The following CLNS1A variants were observed in gnomAD, a reference collection of about 807,000 sequenced individuals.
CLNS1A encodes the protein methylosome subunit pICln.
In CLNS1A, 16 loss-of-function variants were observed where a neutral mutation model predicts 29.4. The ratio of observed to expected loss-of-function variants is 0.54; its 90% CI spans 0.37 to 0.83. CLNS1A has a LOEUF of 0.83. CLNS1A is among the 40% of genes least tolerant of loss of function. The probability of loss-of-function intolerance (pLI) is 0.00; values close to 1 mark genes in which losing one functional copy is unlikely to be tolerated. For synonymous variants in CLNS1A, 96 were observed against 104.8 expected (o/e 0.92, Z 0.51); for missense variants, 235 against 287.4 (o/e 0.82, Z 1.32).
chr11:77,636,502 A>G lies in CLNS1A; in HGVS notation c.125+1088T>C, dbSNP rs530894837. On this transcript the variant is annotated intron_variant, in intron 1 of 6. Coordinates refer to ENST00000525428, the MANE Select transcript of CLNS1A (RefSeq NM_001293.3). Reference sequence around the variant, plus strand: ...TGGCCTGAAGCCTAAACCTTGTTCAATGTCTAAATTTCCCTTTAAAGCAGA... The same window carrying G: ...TGGCCTGAAGCCTAAACCTTGTTCAGTGTCTAAATTTCCCTTTAAAGCAGA... 3.3e-5 allele frequency among the ~76,000 whole-genome samples: 5 copies of G among 152,230 alleles called. No homozygotes were observed. In the East Asian group the frequency reaches 9.6e-4, roughly 29 times the overall value.
At chr11:77,635,065 G>A (rs566061092) in intron 1 of CLNS1A, among the ~76,000 whole-genome samples, 5 of 152,282 alleles carry the variant, frequency 3.3e-5, no homozygotes, top group East Asian at 3.9e-4. Flanking sequence ...TTGGCCTTCC[G>A]AAGTGCTGCG....
At chr11:77,634,135 A>G (rs1044435239) in intron 1 of CLNS1A, among the ~76,000 whole-genome samples, 4 of 152,122 alleles carry the variant, frequency 2.6e-5, no homozygotes, top group Non-Finnish European at 5.9e-5. Flanking sequence ...CCTATAAAAA[A>G]CTAAGCTCTG....
chr11:77,620,325 T>C (rs1247105183), intron 5 of CLNS1A, among the ~76,000 whole-genome samples: 1 of 152,224 alleles, frequency 6.6e-6, no homozygotes, highest in African/African-American at 2.4e-5. Flanking sequence ...GCAAAAGCTC[T>C]TTTTGCTTGC....
intron 5 of CLNS1A, among the ~76,000 whole-genome samples, chr11:77,619,917 C>A (rs752339390): frequency 6.6e-6 from 1 of 152,194 alleles, no homozygotes; most frequent in Non-Finnish European, 1.5e-5. Flanking sequence ...TAAATTCTCA[C>A]CCTCAATACT....
chr11:77,623,575 G>C (rs1406674513), intron 4 of CLNS1A, among the ~76,000 whole-genome samples: 1 of 149,476 alleles, frequency 6.7e-6, no homozygotes, highest in Non-Finnish European at 1.5e-5. Flanking sequence ...CTGGGCAACA[G>C]AGTTAGACCC....
At chr11:77,634,058 G>A (rs948736962) in intron 1 of CLNS1A, among the ~76,000 whole-genome samples, 8 of 150,930 alleles carry the variant, frequency 5.3e-5, no homozygotes, top group African/African-American at 1.2e-4. Context: ...CCAAGATTGC[G>A]CCATTGCATT....
Position 77,637,707 on chromosome 11 carries a change from A to G in CLNS1A, c.8T>C (p.Phe3Ser), listed in dbSNP as rs1300362379. The G allele has an allele frequency of 6.4e-7, 1 of 1,557,372 alleles. No homozygotes were observed. The change falls in exon 1 of 7, where the codon TTC becomes TCC. Residue 3 changes from phenylalanine to serine, a missense_variant. By Grantham distance (155) the Phe-to-Ser change is radical. Transcript: ENST00000525428. Reference sequence around the variant, plus strand: ...CCCAGGCGGCGGGAAACTTTTGAGGAAGCTCATAGCAGCAGAGTGCGGCAA... The same window carrying G: ...CCCAGGCGGCGGGAAACTTTTGAGGGAGCTCATAGCAGCAGAGTGCGGCAA... MS[F>S]LKSFPPPGPA...
intron 5 of CLNS1A, among the ~76,000 whole-genome samples, chr11:77,622,253 C>A (rs1216362425): frequency 6.6e-6 from 1 of 152,060 alleles, no homozygotes; most frequent in Non-Finnish European, 1.5e-5. Flanking sequence ...TTCTTTTTCA[C>A]TTCTACTTTC....
intron 1 of CLNS1A, among the ~76,000 whole-genome samples, chr11:77,632,141 T>C (rs1164888735): frequency 2.0e-5 from 3 of 152,242 alleles, no homozygotes; most frequent in African/African-American, 4.8e-5. Context: ...TATTATGTAA[T>C]GAGGTTATGT....
intron 4 of CLNS1A, among the ~76,000 whole-genome samples, chr11:77,623,086 C>T (rs986764195): frequency 6.6e-6 from 1 of 151,846 alleles, no homozygotes; most frequent in Non-Finnish European, 1.5e-5. Flanking sequence ...GATGTACCTA[C>T]TCTCTAGGGT....
intron 5 of CLNS1A, 126 bp downstream of exon 5, chr11:77,622,374 G>C (rs1434562572): frequency 4.5e-6 from 3 of 659,710 alleles, no homozygotes; most frequent in Non-Finnish European, 2.5e-6. Flanking sequence ...ATGTAATTCT[G>C]TATCTGCTTC....
chr11:77,627,761 T>A (rs574014122), intron 2 of CLNS1A, among the ~76,000 whole-genome samples: 7 of 152,312 alleles, frequency 4.6e-5, no homozygotes, highest in African/African-American at 1.7e-4. Flanking sequence ...CTCCCTTAAC[T>A]TTTTGGATGA....
At position 77,616,522 on chromosome 11, in the gene CLNS1A, G is replaced by A. The variant is rs1958907054; in HGVS notation, c.*196C>T. 6.6e-6 allele frequency: 1 copy of A among 152,594 alleles called. No homozygotes were observed. Among genetic ancestry groups the A allele is most frequent in the African/African-American group, 2.4e-5 (1 of 41,436 alleles). The allele number at this position is 152,594 out of a possible 1,614,324, so 9.5% of individuals were successfully genotyped here. ...CCTCTTGGTTAAGTTAATTCATCAAGTTAATAAAGGTCATATTATCTATCT... is the reference window on the plus strand; with the variant it reads ...CCTCTTGGTTAAGTTAATTCATCAAATTAATAAAGGTCATATTATCTATCT... On this transcript the variant is annotated 3_prime_UTR_variant, in exon 7 of 7. Transcript: ENST00000525428.
chr11:77,618,178 T>C (rs1958923426), intron 6 of CLNS1A, among the ~76,000 whole-genome samples: 1 of 152,224 alleles, frequency 6.6e-6, no homozygotes, highest in South Asian at 2.1e-4. Context: ...TAGTCTATTC[T>C]TCAAAAGAAA....
At chr11:77,619,160 T>C (rs1480158491) in intron 6 of CLNS1A, among the ~76,000 whole-genome samples, 1 of 152,192 alleles carries the variant, frequency 6.6e-6, no homozygotes, top group Non-Finnish European at 1.5e-5. Flanking sequence ...GACAATATAT[T>C]TCTCAGAATA....
chr11:77,631,199 G>A (rs117847370), intron 1 of CLNS1A, among the ~76,000 whole-genome samples: 1 of 151,970 alleles, frequency 6.6e-6, no homozygotes, highest in South Asian at 2.1e-4. Flanking sequence ...TCCCCTAAAT[G>A]AAATCAATGT....
rs374532472 is a variant in CLNS1A at position 77,625,000 on chromosome 11, A to G, written c.435T>C (p.Asp145=). ...LHPDPEDEDS[D]DYDGEEYDVE... ...CATCATATTCTTCTCCATCGTAGTC[A>G]TCTGAATCCTCATCCTCAGGATCTG... The change falls in exon 4 of 7, where the codon GAT becomes GAC. Residue 145 remains aspartate, a synonymous_variant. Coordinates refer to ENST00000525428, the MANE Select transcript of CLNS1A (RefSeq NM_001293.3). 19 of 1,613,740 alleles carry G rather than the reference A, an allele frequency of 1.2e-5. No individual in the cohort carries two copies. Among genetic ancestry groups the G allele is most frequent in the Non-Finnish European group, 1.6e-5 (19 of 1,179,794 alleles).
chr11:77,625,657 G>C, intron 3 of CLNS1A, 60 bp downstream of exon 3: 4 of 1,406,774 alleles, frequency 2.8e-6, no homozygotes, highest in Non-Finnish European at 3.9e-6. Context: ...ATGTGTGTGT[G>C]TGTCAATTGG....
intron 6 of CLNS1A, 105 bp downstream of exon 6, chr11:77,619,501 G>A (rs1485262270): frequency 7.8e-6 from 6 of 764,800 alleles, no homozygotes; most frequent in Non-Finnish European, 1.3e-5. Context: ...TCTAGCCTGG[G>A]TGACAGAGTA....
Sources: gnomAD v4.1 joint callset for allele counts (sites outside exome capture counted in the v4.1 genomes callset) on GRCh38, gnomAD v4.1.1 for gene constraint, MANE v1.5 for transcripts, NCBI Gene and HGNC (gene_info 2026-07-23, HGNC 2026-07-21) for gene names.